EYS: variants seen among roughly 807,000 people sequenced by gnomAD.
The protein encoded by EYS is EGF-like photoreceptor maintenance factor, also known as protein eyes shut homolog.
Under a neutral mutation model 282.1 loss-of-function variants are expected in EYS, and 250 were observed. The observed-to-expected ratio is 0.89, with a 90% confidence interval of 0.80 to 0.98. The LOEUF (loss-of-function observed/expected upper bound fraction) is 0.98, where lower values mean the gene tolerates loss of function less well. EYS is among the 50% of genes least tolerant of loss of function. The pLI, the probability that EYS is intolerant of heterozygous loss-of-function variation, is 0.00. For missense variants in EYS, 4,016 were observed against 3,709.0 expected, an observed-to-expected ratio of 1.08 and a Z score of -2.15; for synonymous variants, 1,355 against 1,282.9, an observed-to-expected ratio of 1.06 and a Z score of -1.20.
At chr6:64,880,381 CT>C (rs1766876062) in intron 19 of EYS, among the ~76,000 whole-genome samples, 1 of 151,720 alleles carries the variant, frequency 6.6e-6, no homozygotes, top group African/African-American at 2.4e-5. Flanking sequence ...ATCAAAGCTT[CT>C]TTTTTGCTTT....
At chr6:64,564,449 T>C (rs1393572184) in intron 26 of EYS, among the ~76,000 whole-genome samples, 2 of 151,416 alleles carry the variant, frequency 1.3e-5, no homozygotes, top group African/African-American at 4.9e-5. Flanking sequence ...AGCTATTTTT[T>C]TATTATTATT....
rs9453265 is a variant in EYS at position 65,353,355 on chromosome 6, G to A, written c.1459+103C>T. The A allele has an allele frequency of 0.24, 233,170 of 981,598 alleles. 28,802 individuals carry two copies. The highest frequency in any genetic ancestry group is 0.37 in the South Asian group (25,869 of 69,848). The allele number at this position is 981,598 out of a possible 1,614,324, so 60.8% of individuals were successfully genotyped here. A position where few individuals can be genotyped will look rare whatever the true frequency, so the allele number is the denominator to read the frequency against. ...TAATTTTATTTTTAGTTTATATTAC[G>A]TTTTGAGATATAAAATACTTTGTGT... On this transcript the variant is annotated intron_variant, in intron 9 of 42. Transcript: ENST00000503581.
At chr6:63,955,647 ACT>A (rs1765784360) in intron 35 of EYS, among the ~76,000 whole-genome samples, 1 of 151,890 alleles carries the variant, frequency 6.6e-6, no homozygotes, top group African/African-American at 2.4e-5. Flanking sequence ...AAAAAAGAGG[ACT>A]CTGTATTATG....
At chr6:65,626,533 T>C (rs1045910679) in intron 2 of EYS, among the ~76,000 whole-genome samples, 1 of 152,154 alleles carries the variant, frequency 6.6e-6, no homozygotes, top group Non-Finnish European at 1.5e-5. Context: ...AACTAAACCT[T>C]AATCCACTCC....
intron 39 of EYS, among the ~76,000 whole-genome samples, chr6:63,782,706 T>C (rs984062548): frequency 2.6e-5 from 4 of 152,316 alleles, no homozygotes; most frequent in Middle Eastern, 3.4e-3. Context: ...AACCAGCTTC[T>C]GGATTCATTG....
chr6:64,720,139 A>C (rs1360036790), intron 22 of EYS, among the ~76,000 whole-genome samples: 1 of 152,130 alleles, frequency 6.6e-6, no homozygotes, highest in Non-Finnish European at 1.5e-5. Context: ...ACTAAGATAG[A>C]ATCTACTTCC....
At chr6:65,697,695 A>AGT (rs1769503839) in intron 1 of EYS, among the ~76,000 whole-genome samples, 1 of 151,870 alleles carries the variant, frequency 6.6e-6, no homozygotes, top group Admixed American at 6.6e-5. Flanking sequence ...AACTAATCTA[A>AGT]ATAGAAAGAG....
chr6:65,334,568 C>A (rs71572526), intron 11 of EYS, among the ~76,000 whole-genome samples: 6,996 of 151,900 alleles, frequency 0.046, 214 homozygotes, highest in South Asian at 0.08. Flanking sequence ...CTGTGCCAGA[C>A]CCTGAGGGCA....
chr6:64,454,534 T>C (rs887327747), intron 26 of EYS, among the ~76,000 whole-genome samples: 4 of 152,156 alleles, frequency 2.6e-5, no homozygotes, highest in Non-Finnish European at 5.9e-5. Flanking sequence ...TCCACTTAAA[T>C]GCTATTTTTT....
chr6:63,869,158 A>G (rs1015636866), intron 35 of EYS, among the ~76,000 whole-genome samples: 5 of 152,148 alleles, frequency 3.3e-5, no homozygotes, highest in Non-Finnish European at 7.4e-5. Context: ...GGGTTTTTCT[A>G]AAGGCAGGAA....
At chr6:65,524,539 C>T (rs536941869) in intron 2 of EYS, among the ~76,000 whole-genome samples, 1 of 152,240 alleles carries the variant, frequency 6.6e-6, no homozygotes, top group South Asian at 2.1e-4. Flanking sequence ...CAAGATGTTG[C>T]CACCTAGCTG....
chr6:64,103,576 T>A (rs1413591500), intron 31 of EYS, among the ~76,000 whole-genome samples: 1 of 151,974 alleles, frequency 6.6e-6, no homozygotes, highest in African/African-American at 2.4e-5. Context: ...CTATGCGAGA[T>A]TAATAGGAAA....
chr6:65,107,295 A>ATTT (rs34176335), intron 12 of EYS, among the ~76,000 whole-genome samples: 2 of 134,804 alleles, frequency 1.5e-5, no homozygotes, highest in African/African-American at 2.7e-5. Context: ...TCTGGGTTGC[A>ATTT]TTTTTTTTTT....
chr6:64,149,045 G>A (rs1774616202), intron 31 of EYS, among the ~76,000 whole-genome samples: 1 of 152,016 alleles, frequency 6.6e-6, no homozygotes. Flanking sequence ...TATCAATATG[G>A]TACAGCATTT....
At chr6:64,370,810 A>AAGTG (rs1215759460) in intron 29 of EYS, among the ~76,000 whole-genome samples, 1 of 152,028 alleles carries the variant, frequency 6.6e-6, no homozygotes, top group Non-Finnish European at 1.5e-5. Flanking sequence ...GCATGCATAG[A>AAGTG]AGTGTTCATA....
chr6:63,874,251 A>T (rs753573481), intron 35 of EYS, among the ~76,000 whole-genome samples: 35 of 152,212 alleles, frequency 2.3e-4, no homozygotes, highest in Non-Finnish European at 4.1e-4. Flanking sequence ...TTAAATAGGG[A>T]ATCCTTTCCC....
Position 64,321,653 on chromosome 6 carries a change from G to A in EYS, c.6079-14571C>T, listed in dbSNP as rs1046327082. On this transcript the variant is annotated intron_variant, in intron 29 of 42. Coordinates refer to ENST00000503581, the MANE Select transcript of EYS (RefSeq NM_001142800.2). ...AATCATTCCAAGGCTTGGGAACTTG[G>A]AAAATAATAGATCAAGAAAAAGAGA... Among the ~76,000 whole-genome samples the A allele has an allele frequency of 3.3e-5, 5 of 151,824 alleles. No homozygotes were observed. The South Asian group carries it at 1.0e-3, about 31-fold the overall frequency.
chr6:65,242,419 T>G (rs2150276681), intron 12 of EYS, among the ~76,000 whole-genome samples: 1 of 152,262 alleles, frequency 6.6e-6, no homozygotes, highest in East Asian at 1.9e-4. Flanking sequence ...GCATAATTTT[T>G]TAAGGTTAGT....
chr6:64,185,978 A>G (rs191180921), intron 31 of EYS, among the ~76,000 whole-genome samples: 1 of 152,180 alleles, frequency 6.6e-6, no homozygotes. Context: ...CGGGCTAAAA[A>G]GCATCATTGT....
Sources: gnomAD v4.1 joint callset for allele counts (sites outside exome capture counted in the v4.1 genomes callset) on GRCh38, gnomAD v4.1.1 for gene constraint, MANE v1.5 for transcripts, NCBI Gene and HGNC (gene_info 2026-07-23, HGNC 2026-07-21) for gene names.